The following SAMSN1 variants were observed in gnomAD, a reference collection of about 807,000 sequenced individuals.
The protein encoded by SAMSN1 is SAM domain-containing protein SAMSN-1.
A neutral mutation model predicts 42.0 loss-of-function variants in SAMSN1; 31 were observed. The ratio of observed to expected loss-of-function variants is 0.74; its 90% CI spans 0.55 to 1.00. The LOEUF is 1.00. Ranked by LOEUF, SAMSN1 falls within the 50% of genes least tolerant of loss-of-function variation. The pLI, the probability that SAMSN1 is intolerant of heterozygous loss-of-function variation, is 0.00. For missense variants in SAMSN1, 464 were observed against 439.4 expected, an observed-to-expected ratio of 1.06 and a Z score of -0.50; for synonymous variants, 178 against 151.9, an observed-to-expected ratio of 1.17 and a Z score of -1.26.
intron 7 of SAMSN1, among the ~76,000 whole-genome samples, chr21:14,590,265 A>ATTT (rs112933071): frequency 0.016 from 1,196 of 73,252 alleles, 16 homozygotes; most frequent in African/African-American, 0.039. Flanking sequence ...TAATTGGGAG[A>ATTT]ATTTTTTTTT....
At chr21:14,607,356 A>C (rs1458862104) in intron 5 of SAMSN1, among the ~76,000 whole-genome samples, 1 of 152,226 alleles carries the variant, frequency 6.6e-6, no homozygotes, top group Non-Finnish European at 1.5e-5. Flanking sequence ...TTCCAAATGA[A>C]ACCACTATAC....
At chr21:14,581,988 T>A in intron 2 of SAMSN1, 2 of 641,916 alleles carry the variant, frequency 3.1e-6, no homozygotes, top group Non-Finnish European at 2.5e-6. Flanking sequence ...TCACAAGAGT[T>A]TGGTTGCTTT....
At chr21:14,642,078 T>C (rs1250716024) in intron 2 of SAMSN1, among the ~76,000 whole-genome samples, 3 of 152,226 alleles carry the variant, frequency 2.0e-5, no homozygotes, top group Non-Finnish European at 1.5e-5. Flanking sequence ...TGGATCATCA[T>C]AAAGGTCTTT....
chr21:14,616,036 G>T, intron 2 of SAMSN1: 1 of 579,378 alleles, frequency 1.7e-6, no homozygotes. Flanking sequence ...AAAATAAAAT[G>T]AATAAAATAA....
At chr21:14,500,078 C>A (rs765774589) in intron 6 of SAMSN1, among the ~76,000 whole-genome samples, 9 of 152,142 alleles carry the variant, frequency 5.9e-5, no homozygotes, top group Non-Finnish European at 1.2e-4. Flanking sequence ...CCGTTTCCCT[C>A]AAATTACTTT....
chr21:14,594,292 A>G (rs1440401012), intron 6 of SAMSN1, among the ~76,000 whole-genome samples: 3 of 152,296 alleles, frequency 2.0e-5, no homozygotes, highest in East Asian at 1.9e-4. Context: ...GAATATGTGT[A>G]TGTATACATA....
At chr21:14,561,906 T>C (rs917423304) in intron 2 of SAMSN1, among the ~76,000 whole-genome samples, 1 of 152,136 alleles carries the variant, frequency 6.6e-6, no homozygotes, top group Non-Finnish European at 1.5e-5. Context: ...CCCAGGGCTA[T>C]CAGAAGCTGG....
chr21:14,623,956 C>T (rs529131813), intron 2 of SAMSN1, among the ~76,000 whole-genome samples: 119 of 152,248 alleles, frequency 7.8e-4, no homozygotes, highest in African/African-American at 2.8e-3. Context: ...CAAACTAGAA[C>T]TCAGGATTAA....
intron 2 of SAMSN1, among the ~76,000 whole-genome samples, chr21:14,520,534 C>T (rs1217433779): frequency 5.3e-5 from 8 of 152,144 alleles, no homozygotes; most frequent in African/African-American, 1.9e-4. Context: ...ATCTGTTAGG[C>T]TTCTTAAAAT....
At chr21:14,564,093 A>T (rs997015732) in intron 2 of SAMSN1, among the ~76,000 whole-genome samples, 1 of 152,106 alleles carries the variant, frequency 6.6e-6, no homozygotes, top group African/African-American at 2.4e-5. Flanking sequence ...TAAAAGTCTG[A>T]TTTGCTTACA....
chr21:14,624,891 A>G (rs1037112147), intron 2 of SAMSN1, among the ~76,000 whole-genome samples: 5 of 152,220 alleles, frequency 3.3e-5, no homozygotes, highest in Non-Finnish European at 7.3e-5. Flanking sequence ...AAATAGTGGC[A>G]AACCGAATCC....
chr21:14,658,106 G>T (rs1275382466), intron 1 of SAMSN1, among the ~76,000 whole-genome samples: 1 of 151,808 alleles, frequency 6.6e-6, no homozygotes, highest in Non-Finnish European at 1.5e-5. Flanking sequence ...GGTCACAATT[G>T]CAGGTTAGAG....
At chr21:14,486,217 A>G in intron 7 of SAMSN1, 103 bp from the exon 8 acceptor site, 1 of 762,586 alleles carries the variant, frequency 1.3e-6, no homozygotes, top group Non-Finnish European at 2.2e-6. Context: ...TGTTCTAACC[A>G]TGACTTCATT....
chr21:14,596,817 AC>A (rs1209038444), intron 6 of SAMSN1, among the ~76,000 whole-genome samples: 1 of 152,038 alleles, frequency 6.6e-6, no homozygotes, highest in East Asian at 1.9e-4. Flanking sequence ...GACACTAACC[AC>A]CTGAGATTAT....
At chr21:14,523,624 T>C (rs1568785949) in intron 1 of SAMSN1, among the ~76,000 whole-genome samples, 1 of 152,190 alleles carries the variant, frequency 6.6e-6, no homozygotes, top group Admixed American at 6.5e-5. Flanking sequence ...AATCTATTAC[T>C]CTTTTATATA....
At chr21:14,555,897 T>C (rs1431710324) in intron 2 of SAMSN1, among the ~76,000 whole-genome samples, 1 of 152,190 alleles carries the variant, frequency 6.6e-6, no homozygotes, top group African/African-American at 2.4e-5. Flanking sequence ...AATTTTGTTA[T>C]TAACTTTTAT....
upstream of SAMSN1, among the ~76,000 whole-genome samples, chr21:14,547,243 C>G (rs1980440607): frequency 6.6e-6 from 1 of 152,084 alleles, no homozygotes. Flanking sequence ...ACAGAACCCC[C>G]AATTAACCAT....
At chr21:14,535,134 C>T (rs73894246) in intron 1 of SAMSN1, among the ~76,000 whole-genome samples, 2,689 of 152,266 alleles carry the variant, frequency 0.018, 63 homozygotes, top group African/African-American at 0.061. Context: ...TATTAGGGCC[C>T]AGACATAGGT....
At chr21:14,584,217 T>C (rs1157866027), upstream of SAMSN1, among the ~76,000 whole-genome samples, 3 of 152,186 alleles carry the variant, frequency 2.0e-5, no homozygotes, top group East Asian at 5.8e-4. Context: ...AGAATTTAAA[T>C]AGTCTTCATT....
Sources: gnomAD v4.1 joint callset for allele counts (sites outside exome capture counted in the v4.1 genomes callset) on GRCh38, gnomAD v4.1.1 for gene constraint, MANE v1.5 for transcripts, NCBI Gene and HGNC (gene_info 2026-07-23, HGNC 2026-07-21) for gene names.